Variants in TMPRSS9 observed in about 807,000 individuals in gnomAD.
The protein encoded by TMPRSS9 is transmembrane serine protease 9.
A neutral mutation model predicts 111.4 loss-of-function variants in TMPRSS9; 113 were observed. The observed-to-expected ratio is 1.01, with a 90% CI of 0.87 to 1.19. TMPRSS9 has a LOEUF of 1.19. Ranked by LOEUF, TMPRSS9 falls within the 50% of genes most tolerant of loss-of-function variation. TMPRSS9 has a pLI of 0.00. For missense variants in TMPRSS9, 1,803 were observed against 1,513.1 expected (o/e 1.19, Z -3.18); for synonymous variants, 805 against 659.1 (o/e 1.22, Z -3.39).
At chr19:2,367,145 C>T (rs1970253772) in intron 1 of TMPRSS9, among the ~76,000 whole-genome samples, 1 of 152,184 alleles carries the variant, frequency 6.6e-6, no homozygotes, top group South Asian at 2.1e-4. Flanking sequence ...CTATTCATTA[C>T]AAGTGAGTCA....
chr19:2,376,824 C>G (rs1970338919), intron 1 of TMPRSS9, among the ~76,000 whole-genome samples: 1 of 152,150 alleles, frequency 6.6e-6, no homozygotes, highest in African/African-American at 2.4e-5. Flanking sequence ...AGTCAAGGCT[C>G]TTTCTGACCT....
At chr19:2,386,355 A>C (rs1970474515), upstream of TMPRSS9, among the ~76,000 whole-genome samples, 2 of 151,932 alleles carry the variant, frequency 1.3e-5, no homozygotes, top group African/African-American at 4.8e-5. Flanking sequence ...AATACAAAAA[A>C]TTAGCTGGGC....
chr19:2,424,008 C>T lies in TMPRSS9; in HGVS notation c.2549-81C>T, dbSNP rs570323840. The T allele has an allele frequency of 1.6e-5, 20 of 1,234,074 alleles. No individual in the cohort carries two copies. In the African/African-American group the frequency reaches 3.1e-4, roughly 19 times the overall value. The allele number at this position is 1,234,074 out of a possible 1,614,324, so 76.4% of individuals were successfully genotyped here. On this transcript the variant is annotated intron_variant, in intron 14 of 17. Coordinates refer to ENST00000648592, the Ensembl canonical transcript of TMPRSS9. Reference sequence around the variant, plus strand: ...ACTCCCTGGGGCTCCCAGGGGGATTCGTGGAGAGGCGGCGCCCAGGGGGGC... The same window carrying T: ...ACTCCCTGGGGCTCCCAGGGGGATTTGTGGAGAGGCGGCGCCCAGGGGGGC...
chr19:2,393,898 CAAAAAAAA>C lies in TMPRSS9; in HGVS notation c.143-2625_143-2618del, dbSNP rs34160378. 6.4e-4 allele frequency among the ~76,000 whole-genome samples: 41 copies of C among 63,598 alleles called. 1 individual carries two copies. Among genetic ancestry groups the C allele is most frequent in the African/African-American group, 2.4e-3 (33 of 13,942 alleles). The allele number at this position is 63,598 out of a possible 152,430, so 41.7% of individuals were successfully genotyped here. A position where few individuals can be genotyped will look rare whatever the true frequency, so the allele number is the denominator to read the frequency against. On this transcript the variant is annotated intron_variant, in intron 1 of 17. Coordinates refer to ENST00000648592, the Ensembl canonical transcript of TMPRSS9. Reference sequence around the variant, plus strand: ...GGGCAACAAAGGGAGACCATGTCTCCAAAAAAAAAAAAAAAAAAAAAAAGCTGGGCGCG... The same window carrying C: ...GGGCAACAAAGGGAGACCATGTCTCCAAAAAAAAAAAAAAAGCTGGGCGCG...
chr19:2,375,610 A>C (rs1450906449), intron 1 of TMPRSS9, among the ~76,000 whole-genome samples: 1 of 129,570 alleles, frequency 7.7e-6, no homozygotes, highest in Admixed American at 7.1e-5. Context: ...CTGGCTGGAG[A>C]TGGAAGGGTG....
chr19:2,413,457 A>C (rs934230690), intron 9 of TMPRSS9, among the ~76,000 whole-genome samples: 6 of 152,204 alleles, frequency 3.9e-5, no homozygotes, highest in African/African-American at 1.4e-4. Flanking sequence ...TTGGCCTGCC[A>C]GAGGTAGGAC....
chr19:2,424,141 GGGCCGTGGGGAGT>G lies in TMPRSS9; in HGVS notation c.2610_2622del (p.Glu871ArgfsTer2). The G allele has an allele frequency of 7.0e-7, 1 of 1,428,748 alleles. No individual in the cohort carries two copies. The highest frequency in any genetic ancestry group is 9.2e-7 in the Non-Finnish European group (1 of 1,085,464). The allele number at this position is 1,428,748 out of a possible 1,614,324, so 88.5% of individuals were successfully genotyped here. A position where few individuals can be genotyped will look rare whatever the true frequency, so the allele number is the denominator to read the frequency against. On this transcript the variant is annotated frameshift_variant, in exon 15 of 18. Transcript: ENST00000648592. LOFTEE classifies it high-confidence loss of function. ...CCAGGATTGTGGGCGGCAGCGCAGC[GGGCCGTGGGGAGT>G]GGCCGTGGCAGGTGAGCCTGTGGCT...
intron 11 of TMPRSS9, chr19:2,416,273 G>A: frequency 6.1e-6 from 3 of 490,710 alleles, no homozygotes; most frequent in East Asian, 3.5e-5. Flanking sequence ...TAGGGGGTTG[G>A]GGGGGGGCAT....
intron 1 of TMPRSS9, among the ~76,000 whole-genome samples, chr19:2,369,849 C>T (rs2145244739): frequency 6.6e-6 from 1 of 152,048 alleles, no homozygotes; most frequent in African/African-American, 2.4e-5. Context: ...TTGGCTGGAT[C>T]CTCTGCTCAG....
chr19:2,396,484 G>A (rs928197429), intron 1 of TMPRSS9, 55 bp from the exon 3 acceptor site: 11 of 1,522,050 alleles, frequency 7.2e-6, no homozygotes, highest in Admixed American at 2.0e-5. Context: ...GCAGCTCAGC[G>A]GAGCCCTGAG....
chr19:2,370,609 G>A (rs539937183), intron 1 of TMPRSS9, among the ~76,000 whole-genome samples: 55 of 152,110 alleles, frequency 3.6e-4, no homozygotes, highest in African/African-American at 1.0e-3. Flanking sequence ...GATTACAGGC[G>A]TGAGCCACCA....
intron 1 of TMPRSS9, among the ~76,000 whole-genome samples, chr19:2,391,077 A>AGGCAGGC (rs1568175565): frequency 6.1e-5 from 9 of 147,034 alleles, no homozygotes; most frequent in Admixed American, 3.4e-4. Flanking sequence ...GGTAGGCAGG[A>AGGCAGGC]AGGAAGGAAG....
At chr19:2,408,835 C>A (rs1599302635) in intron 8 of TMPRSS9, among the ~76,000 whole-genome samples, 1 of 139,422 alleles carries the variant, frequency 7.2e-6, no homozygotes, top group Non-Finnish European at 1.5e-5. Context: ...CACACACACA[C>A]AAAATTAGCC....
At chr19:2,366,073 T>C (rs1022352425) in intron 1 of TMPRSS9, among the ~76,000 whole-genome samples, 2 of 152,124 alleles carry the variant, frequency 1.3e-5, no homozygotes, top group Non-Finnish European at 2.9e-5. Context: ...TTGAAACTGC[T>C]TGGAAAAAAA....
chr19:2,365,517 G>A (rs1970240893), intron 1 of TMPRSS9, among the ~76,000 whole-genome samples: 1 of 152,078 alleles, frequency 6.6e-6, no homozygotes, highest in Non-Finnish European at 1.5e-5. Flanking sequence ...TCTATAAACG[G>A]GCTTTGGCTG....
In TMPRSS9 at chr19:2,398,999, C is replaced by T; in HGVS notation, c.339-19C>T. The T allele has an allele frequency of 6.2e-7, 1 of 1,605,780 alleles. No homozygotes were observed. The highest frequency in any genetic ancestry group is 1.1e-5 in the South Asian group (1 of 90,446). ...GCGGAGCCCCTCCCTCTCCAAGGGC[C>T]TCTCCTCCATACCTGTAGGGATGGG... On this transcript the variant is annotated intron_variant, in intron 3 of 17. Coordinates refer to ENST00000648592, the Ensembl canonical transcript of TMPRSS9.
At chr19:2,391,237 C>CAA (rs10650164) in intron 1 of TMPRSS9, among the ~76,000 whole-genome samples, 35,095 of 53,024 alleles carry the variant, frequency 0.66, 13,288 homozygotes, top group Middle Eastern at 0.8. Flanking sequence ...AATTCCATCT[C>CAA]AAAAAAAAAA....
At chr19:2,395,774 G>A (rs1220946481) in intron 1 of TMPRSS9, among the ~76,000 whole-genome samples, 1 of 152,134 alleles carries the variant, frequency 6.6e-6, no homozygotes, top group Non-Finnish European at 1.5e-5. Context: ...TTGGGAGGCC[G>A]AGGAGGGCGG....
exon 17 of TMPRSS9, chr19:2,425,382 G>C: frequency 6.5e-7 from 1 of 1,542,916 alleles, no homozygotes; most frequent in Non-Finnish European, 8.7e-7. Context: ...AGCTGCAGAA[G>C]GCGGCCGTGC....
Sources: allele counts gnomAD v4.1 joint callset (sites outside exome capture counted in the v4.1 genomes callset), GRCh38; gene constraint gnomAD v4.1.1; transcripts MANE v1.5; gene names NCBI Gene and HGNC (gene_info 2026-07-23, HGNC 2026-07-21).